Variants in POU2F1 observed in about 807,000 individuals in gnomAD.
POU2F1 encodes POU class 2 homeobox 1, also known as POU domain, class 2, transcription factor 1.
Under a neutral mutation model 84.9 loss-of-function variants are expected in POU2F1, and 16 were observed. That is an observed-to-expected ratio of 0.19 (90% CI 0.13 to 0.29). POU2F1 has a LOEUF of 0.29. Among genes scored for constraint, POU2F1 ranks in the 10% least tolerant of loss-of-function variants. The pLI is 1.00. For synonymous variants in POU2F1, 368 were observed against 368.3 expected (o/e 1.00, Z 0.01); for missense variants, 738 against 942.6 (o/e 0.78, Z 2.84).
At chr1:167,392,355 A>C (rs1478236375) in intron 9 of POU2F1, among the ~76,000 whole-genome samples, 2 of 100,224 alleles carry the variant, frequency 2.0e-5, no homozygotes, top group African/African-American at 3.1e-5. Context: ...ACTCTGTCTC[A>C]AAAAAAAAAA....
chr1:167,364,581 CTTTTTTT>C (rs745794975), intron 2 of POU2F1, among the ~76,000 whole-genome samples: 1 of 120,820 alleles, frequency 8.3e-6, no homozygotes, highest in African/African-American at 3.1e-5. Flanking sequence ...TTCTTTCTTT[CTTTTTTT>C]TTTTTTTGAG....
chr1:167,344,010 A>C (rs1033708478), intron 2 of POU2F1, among the ~76,000 whole-genome samples: 4 of 152,082 alleles, frequency 2.6e-5, no homozygotes, highest in African/African-American at 9.7e-5. Context: ...GGGCTGGTAG[A>C]GGAAGAGGAG....
chr1:167,337,133 A>G (rs1351853581), intron 2 of POU2F1, among the ~76,000 whole-genome samples: 1 of 151,472 alleles, frequency 6.6e-6, no homozygotes, highest in East Asian at 1.9e-4. Context: ...ATTGCACTCC[A>G]GCCTGGGCAA....
At chr1:167,307,847 T>C (rs1486376470) in intron 1 of POU2F1, among the ~76,000 whole-genome samples, 1 of 152,184 alleles carries the variant, frequency 6.6e-6, no homozygotes, top group Non-Finnish European at 1.5e-5. Context: ...GTCATATCTC[T>C]TTACTGTTGT....
At chr1:167,394,756 C>G (rs61542623) in intron 9 of POU2F1, among the ~76,000 whole-genome samples, 3,860 of 152,230 alleles carry the variant, frequency 0.025, 166 homozygotes, top group African/African-American at 0.086. Context: ...CTCATTTTGT[C>G]TTACATTTCA....
chr1:167,412,948 T>A, intron 14 of POU2F1, 78 bp from the exon 15 acceptor site: 1 of 1,223,350 alleles, frequency 8.2e-7, no homozygotes, highest in Non-Finnish European at 1.2e-6. Flanking sequence ...TTTCGTTTTG[T>A]AAGTTCCTTT....
intron 10 of POU2F1, 60 bp downstream of exon 10, chr1:167,396,487 A>G (rs1472044614): frequency 4.5e-6 from 7 of 1,539,856 alleles, no homozygotes; most frequent in South Asian, 1.1e-5. Flanking sequence ...GGGGATTGTT[A>G]TATAAATTGG....
chr1:167,302,855 T>C (rs1486835213), intron 1 of POU2F1, among the ~76,000 whole-genome samples: 2 of 152,202 alleles, frequency 1.3e-5, no homozygotes, highest in African/African-American at 4.8e-5. Context: ...ACCATTTCTT[T>C]ATTGGTTTAT....
intron 1 of POU2F1, among the ~76,000 whole-genome samples, chr1:167,256,696 GT>G (rs1161230359): frequency 6.6e-6 from 1 of 152,150 alleles, no homozygotes; most frequent in Non-Finnish European, 1.5e-5. Context: ...CTTTGGATGT[GT>G]TGCCTTTGAA....
chr1:167,244,241 A>T (rs1483405609), intron 1 of POU2F1, among the ~76,000 whole-genome samples: 1 of 152,178 alleles, frequency 6.6e-6, no homozygotes, highest in Non-Finnish European at 1.5e-5. Flanking sequence ...GGCATGGCTC[A>T]GGTGGGTCCT....
At chr1:167,222,340 G>A (rs961441610) in intron 1 of POU2F1, among the ~76,000 whole-genome samples, 3 of 152,162 alleles carry the variant, frequency 2.0e-5, no homozygotes, top group African/African-American at 4.8e-5. Flanking sequence ...TCTAATTCGG[G>A]GAGGTTTATA....
At chr1:167,288,259 T>C (rs1451285474) in intron 1 of POU2F1, among the ~76,000 whole-genome samples, 4 of 134,298 alleles carry the variant, frequency 3.0e-5, no homozygotes, top group East Asian at 1.9e-4. Context: ...CTAACAGATA[T>C]ATTATTCACC....
chr1:167,328,958 TTTG>T, intron 1 of POU2F1: 1 of 896,942 alleles, frequency 1.1e-6, no homozygotes, highest in African/African-American at 1.8e-5. Context: ...AGCTGCAATC[TTTG>T]TTTCTATTTT....
At position 167,415,583 on chromosome 1, in the gene POU2F1, A is replaced by G; in HGVS notation, c.2074A>G (p.Asn692Asp). 6.2e-7 allele frequency: 1 copy of G among 1,614,170 alleles called. No homozygotes were observed. Among genetic ancestry groups the G allele is most frequent in the Non-Finnish European group, 8.5e-7 (1 of 1,180,008 alleles). ...ATTTGCCAATGCGGGAGGAGCCCCC[A>G]ACATCGTGACTGCCCCTCTGTTCCT... ...LVFANAGGAP[N>D]IVTAPLFLNP... The change falls in exon 16 of 16, where the codon AAC becomes GAC. Residue 692 changes from asparagine to aspartate, a missense_variant. Transcript: ENST00000367866.
chr1:167,221,928 T>C (rs1648237154), intron 1 of POU2F1, among the ~76,000 whole-genome samples: 1 of 151,734 alleles, frequency 6.6e-6, no homozygotes, highest in South Asian at 2.1e-4. Flanking sequence ...CGGCAGCCCC[T>C]TTGCGTTGTC....
chr1:167,397,879 C>T, intron 10 of POU2F1, 115 bp from the exon 11 acceptor site: 1 of 1,128,104 alleles, frequency 8.9e-7, no homozygotes, highest in Non-Finnish European at 1.2e-6. Context: ...TATGTGAAAA[C>T]CTTTTCATAC....
At position 167,316,427 on chromosome 1, in the gene POU2F1, G is replaced by A. The variant is rs1349585601; in HGVS notation, c.62-16043G>A. ...AGTTCCTTGATAACTAGGAGAATGAGGGAAGACCTGAGGCCATAGCTTTTG... is the reference window on the plus strand; with the variant it reads ...AGTTCCTTGATAACTAGGAGAATGAAGGAAGACCTGAGGCCATAGCTTTTG... On this transcript the variant is annotated intron_variant, in intron 1 of 15. Coordinates refer to ENST00000367866, the MANE Select transcript of POU2F1 (RefSeq NM_002697.4). Among the ~76,000 whole-genome samples the A allele has an allele frequency of 4.6e-5, 7 of 152,300 alleles. No homozygotes were observed. The East Asian group carries it at 1.4e-3, about 29-fold the overall frequency.
chr1:167,334,986 T>C (rs1657341628), intron 2 of POU2F1, among the ~76,000 whole-genome samples: 2 of 152,214 alleles, frequency 1.3e-5, no homozygotes, highest in South Asian at 2.1e-4. Flanking sequence ...TGTGACACTT[T>C]AAGGAGAATG....
intron 8 of POU2F1, among the ~76,000 whole-genome samples, chr1:167,386,075 A>T (rs1017335490): frequency 6.6e-6 from 1 of 152,256 alleles, no homozygotes; most frequent in Non-Finnish European, 1.5e-5. Context: ...AGCAAAATTT[A>T]AAAGGCTATG....
Sources: allele counts gnomAD v4.1 joint callset (sites outside exome capture counted in the v4.1 genomes callset), GRCh38; gene constraint gnomAD v4.1.1; transcripts MANE v1.5; gene names NCBI Gene and HGNC (gene_info 2026-07-23, HGNC 2026-07-21).